Variants in ZNF407 observed in about 807,000 individuals in gnomAD.
ZNF407 encodes zinc finger protein 407.
ZNF407 carries 17 observed loss-of-function variants against 131.2 expected under a neutral mutation model. That is an observed-to-expected ratio of 0.13 (90% confidence interval 0.09 to 0.19). The LOEUF is 0.19. Among genes scored for constraint, ZNF407 ranks in the 10% least tolerant of loss-of-function variants. ZNF407 has a pLI of 1.00. For missense variants in ZNF407, 2,681 were observed against 2,830.6 expected (o/e 0.95, Z 1.20); for synonymous variants, 1,156 against 1,062.0 (o/e 1.09, Z -1.72).
intron 3 of ZNF407, among the ~76,000 whole-genome samples, chr18:74,734,822 G>T (rs1434525137): frequency 1.3e-5 from 2 of 152,014 alleles, no homozygotes; most frequent in African/African-American, 4.8e-5. Flanking sequence ...AGGAATCTCA[G>T]TGAGATTACT....
Position 74,632,089 on chromosome 18 carries a change from A to C in ZNF407, c.1070A>C (p.Gln357Pro). ...ATGCCTTCCAGAAATACTTTGTCAC[A>C]GGAAGTAGAGATTGTTGAAGAACAT... ...EMMPSRNTLSQEVEIVEEHVT... is the reference protein window; with the variant it reads ...EMMPSRNTLSPEVEIVEEHVT... Residue 357 changes from glutamine to proline, a missense_variant, in exon 2 of 9, where the codon CAG becomes CCG. Physicochemically the swap from Gln to Pro is moderately conservative, Grantham distance 76 (BLOSUM62 -1). Around this residue, in one of 6 missense-constraint regions of ZNF407, gnomAD observed 1,789 missense variants for 1,748.7 expected, o/e 1.02. Coordinates refer to ENST00000299687, the MANE Select transcript of ZNF407 (RefSeq NM_017757.3). 1.2e-6 allele frequency: 2 copies of C among 1,613,952 alleles called. No individual in the cohort carries two copies. The highest frequency in any genetic ancestry group is 2.2e-5 in the South Asian group (2 of 91,052).
chr18:74,624,988 T>A (rs1284098320), intron 1 of ZNF407, among the ~76,000 whole-genome samples: 1 of 152,236 alleles, frequency 6.6e-6, no homozygotes, highest in Non-Finnish European at 1.5e-5. Flanking sequence ...TGTATGGCCT[T>A]GTATTGAGGT....
chr18:74,983,536 C>T (rs1369194795), intron 8 of ZNF407, among the ~76,000 whole-genome samples: 1 of 152,058 alleles, frequency 6.6e-6, no homozygotes, highest in African/African-American at 2.4e-5. Context: ...AGTATTGTTG[C>T]TTTTTTGAAT....
intron 4 of ZNF407, among the ~76,000 whole-genome samples, chr18:74,870,133 T>C (rs890589715): frequency 6.6e-6 from 1 of 152,218 alleles, no homozygotes; most frequent in African/African-American, 2.4e-5. Context: ...GTTAATATTC[T>C]GCTTAATGCT....
At chr18:74,945,990 C>A (rs1250777761) in intron 8 of ZNF407, among the ~76,000 whole-genome samples, 1 of 152,174 alleles carries the variant, frequency 6.6e-6, no homozygotes, top group Non-Finnish European at 1.5e-5. Context: ...AATACTGCTG[C>A]CACAGCCATT....
intron 7 of ZNF407, among the ~76,000 whole-genome samples, chr18:74,914,243 G>A (rs2145228712): frequency 6.6e-6 from 1 of 152,334 alleles, no homozygotes; most frequent in Middle Eastern, 3.4e-3. Flanking sequence ...GCCAGGAGAG[G>A]TTCTTCCTCA....
intron 4 of ZNF407, among the ~76,000 whole-genome samples, chr18:74,789,667 C>T (rs958351548): frequency 2.0e-4 from 30 of 152,072 alleles, no homozygotes; most frequent in African/African-American, 7.0e-4. Context: ...CTGGTGGATT[C>T]GCAGTGTTTC....
chr18:74,846,719 C>T (rs1396200374), intron 4 of ZNF407, among the ~76,000 whole-genome samples: 1 of 151,704 alleles, frequency 6.6e-6, no homozygotes, highest in Non-Finnish European at 1.5e-5. Flanking sequence ...TACAGCCAGG[C>T]ACCTTGGCTC....
At chr18:74,927,539 C>T (rs1971929972) in intron 8 of ZNF407, among the ~76,000 whole-genome samples, 1 of 152,162 alleles carries the variant, frequency 6.6e-6, no homozygotes, top group Admixed American at 6.5e-5. Flanking sequence ...TCAGGATGAA[C>T]TTTTTCACCA....
intron 4 of ZNF407, among the ~76,000 whole-genome samples, chr18:74,809,797 C>T (rs749534417): frequency 6.6e-6 from 1 of 152,112 alleles, no homozygotes; most frequent in East Asian, 1.9e-4. Context: ...GCTGGAAGGT[C>T]GTAGCATGGA....
At chr18:74,886,069 A>G (rs1971304471) in intron 6 of ZNF407, among the ~76,000 whole-genome samples, 1 of 152,236 alleles carries the variant, frequency 6.6e-6, no homozygotes, top group South Asian at 2.1e-4. Context: ...TAAGTGACCA[A>G]TTTTATAAAT....
chr18:74,776,820 C>T (rs1236020161), intron 3 of ZNF407, among the ~76,000 whole-genome samples: 5 of 152,084 alleles, frequency 3.3e-5, no homozygotes, highest in African/African-American at 1.2e-4. Flanking sequence ...TGTATTCTTA[C>T]AATAAAATAA....
At chr18:74,843,326 T>A (rs1970659874) in intron 4 of ZNF407, among the ~76,000 whole-genome samples, 1 of 152,190 alleles carries the variant, frequency 6.6e-6, no homozygotes, top group South Asian at 2.1e-4. Flanking sequence ...CTAGATCGTT[T>A]ATATTTATTC....
chr18:74,658,307 C>T (rs556952119), intron 3 of ZNF407, among the ~76,000 whole-genome samples: 66 of 152,108 alleles, frequency 4.3e-4, no homozygotes, highest in African/African-American at 1.5e-3. Context: ...TTAGTAGAGA[C>T]AGGGTTTCAC....
At chr18:74,841,664 C>G (rs907386250) in intron 4 of ZNF407, among the ~76,000 whole-genome samples, 3 of 152,174 alleles carry the variant, frequency 2.0e-5, no homozygotes, top group Admixed American at 6.6e-5. Context: ...AGAATCATTT[C>G]AAGGCTTCTA....
intron 1 of ZNF407, among the ~76,000 whole-genome samples, chr18:74,629,325 C>T (rs1983943775): frequency 6.6e-6 from 1 of 152,126 alleles, no homozygotes; most frequent in Non-Finnish European, 1.5e-5. Flanking sequence ...AGTATCTTTT[C>T]ATATGTGTAT....
intron 8 of ZNF407, among the ~76,000 whole-genome samples, chr18:75,058,825 C>T (rs1393306754): frequency 6.6e-6 from 1 of 152,208 alleles, no homozygotes; most frequent in Non-Finnish European, 1.5e-5. Flanking sequence ...AAGAGATTCA[C>T]ATTCGTTTAA....
chr18:74,866,505 A>G (rs1971012310), intron 4 of ZNF407, among the ~76,000 whole-genome samples: 1 of 152,182 alleles, frequency 6.6e-6, no homozygotes, highest in Admixed American at 6.5e-5. Flanking sequence ...ACCATCAGAG[A>G]GGACAGTCCA....
At chr18:75,025,730 G>A (rs1973163462) in intron 8 of ZNF407, among the ~76,000 whole-genome samples, 1 of 152,180 alleles carries the variant, frequency 6.6e-6, no homozygotes, top group Non-Finnish European at 1.5e-5. Flanking sequence ...GCTACTTGTG[G>A]CACTTACTCA....
Sources: gnomAD v4.1 joint callset for allele counts (sites outside exome capture counted in the v4.1 genomes callset) on GRCh38, gnomAD v4.1.1 for gene constraint, gnomAD v4.1.1 regional missense constraint, MANE v1.5 for transcripts, NCBI Gene and HGNC (gene_info 2026-07-23, HGNC 2026-07-21) for gene names.